Variants in CGGBP1 observed in about 807,000 individuals in gnomAD.
CGGBP1 encodes the protein CGG triplet repeat binding protein 1, also known as CGG triplet repeat-binding protein 1.
In CGGBP1, 4 loss-of-function variants were observed where a neutral mutation model predicts 11.4. The observed-to-expected ratio is 0.35, with a 90% confidence interval of 0.17 to 0.80. The LOEUF is 0.80. Ranked by LOEUF, CGGBP1 falls within the 30% of genes least tolerant of loss-of-function variation. The pLI is 0.52. For missense variants in CGGBP1, 135 were observed against 202.1 expected (o/e 0.67, Z 2.01); for synonymous variants, 76 against 74.1 (o/e 1.03, Z -0.13).
At chr3:88,113,605 T>G (rs1705221097) in intron 2 of CGGBP1, among the ~76,000 whole-genome samples, 1 of 152,076 alleles carries the variant, frequency 6.6e-6, no homozygotes, top group Admixed American at 6.6e-5. Context: ...TTTTTTATTT[T>G]TGGGCACCTG....
At chr3:88,056,287 TA>T in intron 3 of CGGBP1, 1 of 226,040 alleles carries the variant, frequency 4.4e-6, no homozygotes, top group South Asian at 1.2e-4. Context: ...CACCATTATT[TA>T]GGGAAACCTA....
intron 2 of CGGBP1, among the ~76,000 whole-genome samples, chr3:88,070,795 C>T (rs371648108): frequency 1.5e-4 from 23 of 152,086 alleles, no homozygotes; most frequent in Admixed American, 1.4e-3. Context: ...CTGTTTTTAT[C>T]GTCATTTTAT....
At chr3:88,081,012 T>G (rs1010015605) in intron 2 of CGGBP1, among the ~76,000 whole-genome samples, 4 of 152,202 alleles carry the variant, frequency 2.6e-5, no homozygotes, top group Non-Finnish European at 5.9e-5. Context: ...TTCTCCTTAG[T>G]CTCTTCCAGC....
At chr3:88,116,734 A>G (rs547464938) in intron 2 of CGGBP1, among the ~76,000 whole-genome samples, 9 of 152,182 alleles carry the variant, frequency 5.9e-5, no homozygotes, top group Non-Finnish European at 1.2e-4. Context: ...GAGGTAAGAA[A>G]GTCTTATAAG....
At chr3:88,101,908 T>C (rs1019577720) in intron 2 of CGGBP1, among the ~76,000 whole-genome samples, 15 of 152,202 alleles carry the variant, frequency 9.9e-5, no homozygotes, top group Non-Finnish European at 1.8e-4. Context: ...CTCAGTCCTG[T>C]CGTTGGTAAG....
At position 88,105,239 on chromosome 3, in the gene CGGBP1, T is replaced by A. The variant is rs1292242693; in HGVS notation, c.-229+35731A>T. Among the ~76,000 whole-genome samples the A allele has an allele frequency of 1.3e-5, 2 of 151,958 alleles. 1 individual carries two copies. The highest frequency in any genetic ancestry group is 2.9e-5 in the Non-Finnish European group (2 of 68,000). On this transcript the variant is annotated intron_variant, in intron 2 of 3. Transcript: ENST00000462901. Reference sequence around the variant, plus strand: ...CAAGGTCCAACTAACAAATAACATATCCATGCCCTTTTTTAGATAAACAGA... The same window carrying A: ...CAAGGTCCAACTAACAAATAACATAACCATGCCCTTTTTTAGATAAACAGA...
chr3:88,111,851 C>T (rs949234459), intron 2 of CGGBP1, among the ~76,000 whole-genome samples: 4 of 151,860 alleles, frequency 2.6e-5, no homozygotes, highest in Admixed American at 2.6e-4. Context: ...CTTTTATTTT[C>T]ATAAATATGA....
chr3:88,060,644 T>C (rs1410227763), upstream of CGGBP1, among the ~76,000 whole-genome samples: 1 of 152,142 alleles, frequency 6.6e-6, no homozygotes, highest in Non-Finnish European at 1.5e-5. Context: ...AGAGGAGTAA[T>C]AGTTAAATAA....
intron 2 of CGGBP1, among the ~76,000 whole-genome samples, chr3:88,100,906 A>G (rs1333212198): frequency 6.6e-6 from 1 of 152,208 alleles, no homozygotes; most frequent in African/African-American, 2.4e-5. Flanking sequence ...ACCTGTATAC[A>G]TATGTAACAA....
chr3:88,143,856 G>A (rs1248033710), intron 1 of CGGBP1: 1 of 151,982 alleles, frequency 6.6e-6, no homozygotes, highest in East Asian at 1.9e-4. Flanking sequence ...AATAGCTATT[G>A]AAAGAATGTG....
intron 2 of CGGBP1, among the ~76,000 whole-genome samples, chr3:88,087,160 C>A (rs371931982): frequency 3.9e-5 from 6 of 152,032 alleles, no homozygotes; most frequent in Admixed American, 2.0e-4. Context: ...TTCACCGCAA[C>A]CTCTACCTCC....
At chr3:88,099,382 G>A (rs1324160284) in intron 2 of CGGBP1, among the ~76,000 whole-genome samples, 6 of 152,118 alleles carry the variant, frequency 3.9e-5, no homozygotes, top group South Asian at 2.1e-4. Context: ...AATCAATATT[G>A]TGAAAACGGC....
rs1186895286 is a variant in CGGBP1 at position 88,052,356 on chromosome 3, A to G, written c.*3117T>C. On this transcript the variant is annotated 3_prime_UTR_variant, in exon 4 of 4. Transcript: ENST00000482016. ...CCCAATTTTCCTTGTTATGAATCAA[A>G]TGAACATGTTTTAAGGTGATTTGTC... 6.6e-6 allele frequency: 1 copy of G among 152,630 alleles called. No homozygotes were observed. The highest frequency in any genetic ancestry group is 1.5e-5 in the Non-Finnish European group (1 of 68,026). 9.5% of individuals were successfully genotyped at this position (152,630 alleles called of 1,614,324 possible). A position where few individuals can be genotyped will look rare whatever the true frequency, so the allele number is the denominator to read the frequency against.
intron 2 of CGGBP1, among the ~76,000 whole-genome samples, chr3:88,086,783 T>C (rs1039232685): frequency 1.3e-5 from 2 of 152,124 alleles, no homozygotes; most frequent in African/African-American, 4.8e-5. Context: ...TTGTTTGTTT[T>C]GTTGTTTTGT....
chr3:88,126,372 C>T (rs1393580172), intron 2 of CGGBP1: 23 of 1,180,244 alleles, frequency 1.9e-5, no homozygotes, highest in Non-Finnish European at 2.4e-5. Context: ...TTTTATAATA[C>T]TGAATAATGG....
At chr3:88,139,549 C>T (rs1253470682) in intron 2 of CGGBP1, 9 of 1,613,232 alleles carry the variant, frequency 5.6e-6, no homozygotes, top group Non-Finnish European at 7.6e-6. Flanking sequence ...TCTTCCATTT[C>T]ATTTGAAAAT....
upstream of CGGBP1, among the ~76,000 whole-genome samples, chr3:88,061,980 A>G (rs1189394427): frequency 6.6e-6 from 1 of 152,138 alleles, no homozygotes; most frequent in African/African-American, 2.4e-5. Context: ...CTTGGCAGTT[A>G]GTTGTGTGGG....
chr3:88,145,894 T>TA (rs1483706212), intron 1 of CGGBP1, among the ~76,000 whole-genome samples: 2 of 152,214 alleles, frequency 1.3e-5, no homozygotes, highest in African/African-American at 4.8e-5. Flanking sequence ...ATTAAAATCA[T>TA]ACAGCTAATA....
chr3:88,144,175 AAG>A (rs1319973051), intron 1 of CGGBP1: 4 of 152,364 alleles, frequency 2.6e-5, no homozygotes, highest in African/African-American at 9.7e-5. Context: ...AGGAGGTAAA[AAG>A]GGGAATCTCC....
Sources: gnomAD v4.1 joint callset for allele counts (sites outside exome capture counted in the v4.1 genomes callset) on GRCh38, gnomAD v4.1.1 for gene constraint, MANE v1.5 for transcripts, NCBI Gene and HGNC (gene_info 2026-07-23, HGNC 2026-07-21) for gene names.